The following DNAAF9 variants were observed in gnomAD, a reference collection of about 807,000 sequenced individuals.
The protein encoded by DNAAF9 is dynein axonemal assembly factor 9.
A neutral mutation model predicts 167.0 loss-of-function variants in DNAAF9; 90 were observed. The ratio of observed to expected loss-of-function variants is 0.54; its 90% confidence interval spans 0.45 to 0.64. DNAAF9 has a LOEUF of 0.64. DNAAF9 is among the 30% of genes least tolerant of loss of function. The probability of loss-of-function intolerance (pLI) is 0.00; values close to 1 mark genes in which losing one functional copy is unlikely to be tolerated. For synonymous variants in DNAAF9, 491 were observed against 508.8 expected, an observed-to-expected ratio of 0.96 and a Z score of 0.47; for missense variants, 1,315 against 1,442.2, an observed-to-expected ratio of 0.91 and a Z score of 1.43.
intron 6 of DNAAF9, chr20:3,359,959 T>C (rs2083338746): frequency 1.9e-5 from 3 of 158,746 alleles, no homozygotes; most frequent in African/African-American, 4.8e-5. Context: ...AGAAGGCTTA[T>C]AATAAAAAAT....
intron 6 of DNAAF9, among the ~76,000 whole-genome samples, chr20:3,371,705 T>C (rs951571836): frequency 6.6e-6 from 1 of 152,180 alleles, no homozygotes; most frequent in African/African-American, 2.4e-5. Context: ...GTCTCTTTCT[T>C]ACATTTTGTT....
At chr20:3,329,542 T>C (rs1265687477) in intron 12 of DNAAF9, among the ~76,000 whole-genome samples, 3 of 152,254 alleles carry the variant, frequency 2.0e-5, no homozygotes, top group Non-Finnish European at 4.4e-5. Flanking sequence ...TCTAATTCCA[T>C]ATTTTCTATA....
chr20:3,376,033 T>C (rs1190465337), intron 4 of DNAAF9, 145 bp downstream of exon 4: 2 of 740,778 alleles, frequency 2.7e-6, no homozygotes, highest in Non-Finnish European at 4.2e-6. Context: ...CAAAACGAAA[T>C]ATGAAATTCT....
chr20:3,328,861 C>G (rs534045591), intron 12 of DNAAF9, among the ~76,000 whole-genome samples: 8 of 148,486 alleles, frequency 5.4e-5, no homozygotes, highest in African/African-American at 2.0e-4. Flanking sequence ...CACACACACA[C>G]AATTTTCCTT....
At chr20:3,405,112 T>C (rs1242494900) in intron 1 of DNAAF9, among the ~76,000 whole-genome samples, 1 of 152,192 alleles carries the variant, frequency 6.6e-6, no homozygotes, top group African/African-American at 2.4e-5. Context: ...AGGCCATACC[T>C]AACTTCAAAG....
At chr20:3,387,437 G>T (rs1267394733) in intron 1 of DNAAF9, among the ~76,000 whole-genome samples, 1 of 152,104 alleles carries the variant, frequency 6.6e-6, no homozygotes, top group African/African-American at 2.4e-5. Context: ...GGGAAAACTA[G>T]ATATCTAAAG....
chr20:3,320,374 A>G (rs983431471), intron 16 of DNAAF9, among the ~76,000 whole-genome samples: 13 of 152,240 alleles, frequency 8.5e-5, no homozygotes, highest in Non-Finnish European at 1.3e-4. Flanking sequence ...ATAAGAGGAC[A>G]GAATGTAGAC....
intron 24 of DNAAF9, 101 bp from the exon 25 acceptor site, chr20:3,294,357 C>T: frequency 3.5e-6 from 3 of 865,580 alleles, no homozygotes; most frequent in Non-Finnish European, 3.8e-6. Context: ...AAAAATAAAC[C>T]TTGGAGAGAT....
intron 8 of DNAAF9, among the ~76,000 whole-genome samples, chr20:3,345,540 A>T (rs1350880877): frequency 6.6e-6 from 1 of 152,230 alleles, no homozygotes; most frequent in East Asian, 1.9e-4. Flanking sequence ...GAGGGAAAAA[A>T]TAAAAGTAGA....
chr20:3,327,227 G>A lies in DNAAF9; in HGVS notation c.1101-943C>T, dbSNP rs539939503. Among the ~76,000 whole-genome samples the A allele has an allele frequency of 3.9e-5, 6 of 152,276 alleles. No individual in the cohort carries two copies. The East Asian group carries it at 1.2e-3, about 29-fold the overall frequency. On this transcript the variant is annotated intron_variant, in intron 12 of 36. Transcript: ENST00000252032. The stretch of plus-strand genomic sequence containing the variant: ...ATTTAGGACTGGATAATTCTTTGCT[G>A]TGGGGGTTTGTCCTGTGCATTGTAG...
chr20:3,374,744 C>T (rs1213181255), intron 5 of DNAAF9, among the ~76,000 whole-genome samples: 1 of 152,220 alleles, frequency 6.6e-6, no homozygotes, highest in Non-Finnish European at 1.5e-5. Flanking sequence ...AACATCTATA[C>T]TATACTCTTT....
chr20:3,382,109 A>G lies in DNAAF9; in HGVS notation c.163+318T>C, dbSNP rs566230461. On this transcript the variant is annotated intron_variant, in intron 2 of 36. Coordinates refer to ENST00000252032, the MANE Select transcript of DNAAF9 (RefSeq NM_001009984.3). Reference sequence around the variant, plus strand: ...CCATCTCTCAATGCTTTAGGTATATATTTATTACCTAGGTCCTGATGTCTG... The same window carrying G: ...CCATCTCTCAATGCTTTAGGTATATGTTTATTACCTAGGTCCTGATGTCTG... Among the ~76,000 whole-genome samples the G allele has an allele frequency of 1.2e-4, 19 of 152,246 alleles. No homozygotes were observed. In the South Asian group the frequency reaches 3.7e-3, roughly 30 times the overall value.
chr20:3,332,461 T>TC (rs2069848395), intron 10 of DNAAF9, 100 bp from the exon 11 acceptor site: 2 of 582,728 alleles, frequency 3.4e-6, no homozygotes, highest in East Asian at 6.4e-5. Flanking sequence ...AAATTTTCTT[T>TC]TTTTTTTTTT....
At chr20:3,298,262 T>G in intron 21 of DNAAF9, 87 bp from the exon 22 acceptor site, 1 of 1,055,154 alleles carries the variant, frequency 9.5e-7, no homozygotes, top group Non-Finnish European at 1.4e-6. Flanking sequence ...ACAGGATCAA[T>G]TTCAGTACAA....
chr20:3,364,907 C>G (rs1200593607), intron 6 of DNAAF9, among the ~76,000 whole-genome samples: 2 of 149,384 alleles, frequency 1.3e-5, no homozygotes, highest in Non-Finnish European at 3.0e-5. Context: ...TCCTTTCCTT[C>G]TTTTCTCTCT....
intron 32 of DNAAF9, 137 bp from the exon 33 acceptor site, chr20:3,259,691 C>T (rs1371631519): frequency 8.3e-6 from 6 of 724,226 alleles, no homozygotes; most frequent in Non-Finnish European, 1.5e-5. Context: ...CCCGCCACAC[C>T]CTGTTGCTCC....
At chr20:3,324,864 C>T (rs777431295) in intron 14 of DNAAF9, 28 bp downstream of exon 14, 1 of 1,219,984 alleles carries the variant, frequency 8.2e-7, no homozygotes, top group Admixed American at 2.0e-5. Context: ...AAAAAAATTC[C>T]TTATAAAAAA....
chr20:3,270,787 C>A (rs575493446), intron 29 of DNAAF9, among the ~76,000 whole-genome samples: 2 of 151,016 alleles, frequency 1.3e-5, no homozygotes, highest in East Asian at 3.9e-4. Context: ...AGCTGCCTTA[C>A]TACCTAACCC....
chr20:3,286,798 G>T (rs1256276529), intron 27 of DNAAF9, among the ~76,000 whole-genome samples: 1 of 152,160 alleles, frequency 6.6e-6, no homozygotes, highest in Admixed American at 6.5e-5. Context: ...TTCTTTACTG[G>T]AAACAACTAG....
Sources: gnomAD v4.1 joint callset for allele counts (sites outside exome capture counted in the v4.1 genomes callset) on GRCh38, gnomAD v4.1.1 for gene constraint, MANE v1.5 for transcripts, NCBI Gene and HGNC (gene_info 2026-07-23, HGNC 2026-07-21) for gene names.